Variants in ITCH observed in about 807,000 individuals in gnomAD.
ITCH encodes itchy E3 ubiquitin protein ligase, also known as E3 ubiquitin-protein ligase Itchy homolog.
A neutral mutation model predicts 126.8 loss-of-function variants in ITCH; 28 were observed. The ratio of observed to expected loss-of-function variants is 0.22; its 90% confidence interval spans 0.16 to 0.30. The LOEUF is 0.30. Among genes scored for constraint, ITCH ranks in the 10% least tolerant of loss-of-function variants. ITCH has a pLI of 1.00. For missense variants in ITCH, 631 were observed against 1,032.4 expected (o/e 0.61, Z 5.33); for synonymous variants, 342 against 340.0 (o/e 1.01, Z -0.06).
intron 16 of ITCH, 81 bp from the exon 17 acceptor site, chr20:34,477,691 G>A (rs757072531): frequency 6.0e-5 from 77 of 1,289,684 alleles, no homozygotes; most frequent in Non-Finnish European, 7.5e-5. Flanking sequence ...TACCTATAAC[G>A]AAGGAGATGT....
intron 10 of ITCH, among the ~76,000 whole-genome samples, chr20:34,444,498 G>A (rs1027270613): frequency 6.6e-6 from 1 of 152,034 alleles, no homozygotes; most frequent in South Asian, 2.1e-4. Flanking sequence ...CAGGAGAATC[G>A]CTTGAACCTG....
intron 2 of ITCH, among the ~76,000 whole-genome samples, chr20:34,372,691 A>G (rs1053162287): frequency 6.6e-6 from 1 of 151,918 alleles, no homozygotes; most frequent in African/African-American, 2.4e-5. Context: ...TTTAAGTTCT[A>G]CTTTAAACAT....
chr20:34,438,719 G>A, intron 8 of ITCH, 88 bp downstream of exon 8: 1 of 1,456,860 alleles, frequency 6.9e-7, no homozygotes, highest in Non-Finnish European at 9.6e-7. Flanking sequence ...TCTTTTAGGT[G>A]AATTTTCTGC....
At chr20:34,503,884 G>GTTTTT (rs148915356) in intron 23 of ITCH, among the ~76,000 whole-genome samples, 1 of 96,812 alleles carries the variant, frequency 1.0e-5, no homozygotes, top group Non-Finnish European at 2.0e-5. Flanking sequence ...TTTTTTTTTT[G>GTTTTT]GTTTTTTTTT....
chr20:34,476,468 C>A, intron 16 of ITCH: 1 of 1,215,894 alleles, frequency 8.2e-7, no homozygotes, highest in Non-Finnish European at 1.0e-6. Flanking sequence ...CCCCCAGCGG[C>A]AGCCATCGCC....
At chr20:34,469,092 TTC>T (rs1205974512) in intron 14 of ITCH, among the ~76,000 whole-genome samples, 1 of 152,208 alleles carries the variant, frequency 6.6e-6, no homozygotes. Context: ...TCTAAAATTC[TTC>T]TGTCTTTTCT....
At chr20:34,427,508 T>G (rs1981703495) in intron 7 of ITCH, among the ~76,000 whole-genome samples, 1 of 151,544 alleles carries the variant, frequency 6.6e-6, no homozygotes, top group Admixed American at 6.6e-5. Context: ...GCTGTTGGAG[T>G]GGGGAGGGTG....
chr20:34,489,684 A>G (rs1989378885), intron 21 of ITCH, 138 bp from the exon 22 acceptor site: 1 of 731,498 alleles, frequency 1.4e-6, no homozygotes, highest in African/African-American at 1.7e-5. Flanking sequence ...CAATGTAGAT[A>G]TAATTCTTGA....
chr20:34,367,254 T>G (rs2037455424), intron 1 of ITCH, among the ~76,000 whole-genome samples: 1 of 152,116 alleles, frequency 6.6e-6, no homozygotes, highest in African/African-American at 2.4e-5. Flanking sequence ...CTCGGCTCAC[T>G]GCAACCTCCA....
chr20:34,364,293 C>G (rs983220321), intron 1 of ITCH, among the ~76,000 whole-genome samples: 1 of 152,090 alleles, frequency 6.6e-6, no homozygotes. Context: ...CATTTTCTGC[C>G]ATTCTTCCAC....
intron 3 of ITCH, among the ~76,000 whole-genome samples, chr20:34,396,008 G>A (rs1461000005): frequency 6.6e-6 from 1 of 150,982 alleles, no homozygotes; most frequent in Non-Finnish European, 1.5e-5. Context: ...TTAGCATTTT[G>A]AGGAATTCCA....
At chr20:34,388,914 A>C (rs2038387739) in intron 2 of ITCH, among the ~76,000 whole-genome samples, 1 of 152,210 alleles carries the variant, frequency 6.6e-6, no homozygotes, top group African/African-American at 2.4e-5. Context: ...TTATAACAGA[A>C]AACAAGAGAT....
At chr20:34,429,674 G>A (rs1982026406) in intron 7 of ITCH, among the ~76,000 whole-genome samples, 1 of 152,098 alleles carries the variant, frequency 6.6e-6, no homozygotes, top group South Asian at 2.1e-4. Flanking sequence ...CAAAGTCCGA[G>A]CGTGCAGAAT....
chr20:34,451,170 A>C (rs777020167), intron 12 of ITCH, among the ~76,000 whole-genome samples: 1 of 151,968 alleles, frequency 6.6e-6, no homozygotes, highest in Non-Finnish European at 1.5e-5. Context: ...CGTGCCTGTA[A>C]TCCCAGCTGC....
At position 34,507,702 on chromosome 20, in the gene ITCH, C is replaced by T. The variant is rs1369656426; in HGVS notation, c.2497C>T (p.Arg833Cys). The T allele has an allele frequency of 2.5e-6, 4 of 1,613,118 alleles. No homozygotes were observed. Among genetic ancestry groups the T allele is most frequent in the Admixed American group, 1.7e-5 (1 of 59,960 alleles). Reference protein sequence around the residue: ...WLPRSHTCFNRLDLPPYKSYE... With the variant: ...WLPRSHTCFNCLDLPPYKSYE... Reference sequence around the variant, plus strand: ...AACAATTCTTGCTTTTAGTTTTAATCGCCTGGACCTGCCACCATACAAGAG... The same window carrying T: ...AACAATTCTTGCTTTTAGTTTTAATTGCCTGGACCTGCCACCATACAAGAG... Residue 833 changes from arginine (R) to cysteine (C), a missense_variant, in exon 25 of 25, where the codon CGC (arginine) becomes TGC (cysteine). By Grantham distance (180) the Arg-to-Cys change is radical. Coordinates refer to ENST00000374864, the MANE Select transcript of ITCH (RefSeq NM_031483.7).
At position 34,433,969 on chromosome 20, in the gene ITCH, A is replaced by G. The variant is rs1395759101; in HGVS notation, c.522-4505A>G. ...TTAGAAGTTACTTTTGTTCTTTGAAAGTCTGTTTTAAAAATTAAAATGGGG... is the reference window on the plus strand; with the variant it reads ...TTAGAAGTTACTTTTGTTCTTTGAAGGTCTGTTTTAAAAATTAAAATGGGG... On this transcript the variant is annotated intron_variant, in intron 7 of 24. Coordinates refer to ENST00000374864, the MANE Select transcript of ITCH (RefSeq NM_031483.7). Among the ~76,000 whole-genome samples the G allele has an allele frequency of 2.6e-5, 4 of 152,244 alleles. No homozygotes were observed. The East Asian group carries it at 7.7e-4, about 29-fold the overall frequency.
chr20:34,369,386 T>G lies in ITCH; in HGVS notation c.-98-8T>G. 2 of 399,026 alleles carry G rather than the reference T, an allele frequency of 5.0e-6. No homozygotes were observed. The highest frequency in any genetic ancestry group is 8.8e-6 in the Non-Finnish European group (2 of 226,062). 24.7% of individuals were successfully genotyped at this position (399,026 alleles called of 1,614,324 possible). A position where few individuals can be genotyped will look rare whatever the true frequency, so the allele number is the denominator to read the frequency against. On this transcript the variant is annotated splice_polypyrimidine_tract_variant and splice_region_variant and intron_variant, in intron 1 of 24. Coordinates refer to ENST00000374864, the MANE Select transcript of ITCH (RefSeq NM_031483.7). ...TAATGTGTTAATGGACTCTCCTTCC[T>G]TTCTCAGGTACCATGCATTTCACGG...
At chr20:34,379,959 C>T (rs565109016) in intron 2 of ITCH, among the ~76,000 whole-genome samples, 2 of 127,270 alleles carry the variant, frequency 1.6e-5, no homozygotes. Context: ...TGCAGTGGTG[C>T]GATGTTGGCT....
At chr20:34,474,463 A>G (rs1043406208) in intron 16 of ITCH, among the ~76,000 whole-genome samples, 3 of 152,356 alleles carry the variant, frequency 2.0e-5, no homozygotes, top group South Asian at 2.1e-4. Context: ...CATGTTTCAG[A>G]GAGCACAGGG....
Sources: allele counts gnomAD v4.1 joint callset (sites outside exome capture counted in the v4.1 genomes callset), GRCh38; gene constraint gnomAD v4.1.1; transcripts MANE v1.5; gene names NCBI Gene and HGNC (gene_info 2026-07-23, HGNC 2026-07-21).